TMEM260: variants seen among roughly 807,000 people sequenced by gnomAD.
TMEM260 encodes the protein transmembrane protein 260.
In TMEM260, 82 loss-of-function variants were observed where a neutral mutation model predicts 88.9. That is an observed-to-expected ratio of 0.92 (90% CI 0.77 to 1.11). The LOEUF (loss-of-function observed/expected upper bound fraction) is 1.11, where lower values mean the gene tolerates loss of function less well. Ranked by LOEUF, TMEM260 falls within the 50% of genes least tolerant of loss-of-function variation. The pLI is 0.00. For missense variants in TMEM260, 902 were observed against 853.4 expected (o/e 1.06, Z -0.71); for synonymous variants, 314 against 309.3 (o/e 1.02, Z -0.16).
At position 56,585,817 on chromosome 14, in the gene TMEM260, A is replaced by G. The variant is rs753195195; in HGVS notation, c.249A>G (p.Thr83=). 2 of 1,613,408 alleles carry G rather than the reference A, an allele frequency of 1.2e-6. No homozygotes were observed. The highest frequency in any genetic ancestry group is 4.5e-5 in the East Asian group (2 of 44,856). ...CGCTGGTGGCTAAACTGGCAATTAC[A>G]CTGTTTCCTTTTGGTTCAATTGCCT... The part of the protein sequence containing the change: ...LFTLVAKLAI[T]LFPFGSIAYR... Residue 83 remains threonine (T), a synonymous_variant, in exon 3 of 16, where the codon ACA becomes ACG. Coordinates refer to ENST00000261556, the MANE Select transcript of TMEM260 (RefSeq NM_017799.4).
intron 14 of TMEM260, among the ~76,000 whole-genome samples, chr14:56,635,801 T>TA (rs1203199822): frequency 2.6e-5 from 4 of 151,992 alleles, no homozygotes; most frequent in African/African-American, 9.7e-5. Context: ...AAAGAGGTTT[T>TA]TAAAGAGTGG....
chr14:56,661,733 T>A, the TMEM260 span, among the ~76,000 whole-genome samples: 1 of 152,230 alleles, frequency 6.6e-6, no homozygotes, highest in Non-Finnish European at 1.5e-5. Flanking sequence ...ATAATTGTCC[T>A]TTCTCACAGG....
downstream of TMEM260, among the ~76,000 whole-genome samples, chr14:56,654,496 T>C (rs1890264407): frequency 6.6e-6 from 1 of 152,116 alleles, no homozygotes; most frequent in African/African-American, 2.4e-5. Context: ...TTCATGATTC[T>C]TCTATTTGGT....
At chr14:56,652,308 C>A (rs1431381537), downstream of TMEM260, among the ~76,000 whole-genome samples, 1 of 152,016 alleles carries the variant, frequency 6.6e-6, no homozygotes, top group Non-Finnish European at 1.5e-5. Context: ...CCATCCTGGG[C>A]AACATGGTGA....
chr14:56,630,490 TC>T (rs891941440), intron 12 of TMEM260, among the ~76,000 whole-genome samples: 3 of 152,114 alleles, frequency 2.0e-5, no homozygotes, highest in African/African-American at 4.8e-5. Context: ...TTCTATGTCT[TC>T]AAATTCCCTG....
At chr14:56,647,138 T>C in intron 15 of TMEM260, 105 bp from the exon 16 acceptor site, 1 of 1,301,082 alleles carries the variant, frequency 7.7e-7, no homozygotes, top group East Asian at 2.5e-5. Flanking sequence ...TGGAGGCTGC[T>C]TGAATTTTTT....
At chr14:56,601,065 A>G (rs578141165) in intron 3 of TMEM260, among the ~76,000 whole-genome samples, 1 of 152,306 alleles carries the variant, frequency 6.6e-6, no homozygotes, top group African/African-American at 2.4e-5. Flanking sequence ...TAAAATACTC[A>G]TGTACCTAAC....
At chr14:56,619,072 AAATACCACTT>A (rs1403905806) in intron 10 of TMEM260, among the ~76,000 whole-genome samples, 1 of 152,216 alleles carries the variant, frequency 6.6e-6, no homozygotes, top group African/African-American at 2.4e-5. Flanking sequence ...CCATGACCTA[AAATACCACTT>A]AGATGGAGAG....
At chr14:56,586,484 G>T (rs550442855) in intron 3 of TMEM260, among the ~76,000 whole-genome samples, 40 of 152,168 alleles carry the variant, frequency 2.6e-4, no homozygotes, top group Non-Finnish European at 5.1e-4. Context: ...TTCTTAGGTT[G>T]GAAGTCTACC....
At chr14:56,633,225 C>CA in intron 13 of TMEM260, 54 bp downstream of exon 13, 8 of 1,401,340 alleles carry the variant, frequency 5.7e-6, no homozygotes, top group Non-Finnish European at 6.7e-6. Context: ...TTTGAATACC[C>CA]AAAAAAACTA....
intron 11 of TMEM260, among the ~76,000 whole-genome samples, chr14:56,623,988 A>G (rs1214424757): frequency 6.6e-6 from 1 of 152,254 alleles, no homozygotes; most frequent in African/African-American, 2.4e-5. Flanking sequence ...TATAGAATTA[A>G]GTAAAATGAT....
intron 6 of TMEM260, among the ~76,000 whole-genome samples, chr14:56,610,633 T>G (rs1205881789): frequency 6.6e-6 from 1 of 152,314 alleles, no homozygotes; most frequent in South Asian, 2.1e-4. Context: ...GTTTTTTATA[T>G]GTAGGAGATG....
intron 3 of TMEM260, among the ~76,000 whole-genome samples, chr14:56,597,784 A>G (rs1356252690): frequency 6.6e-6 from 1 of 152,130 alleles, no homozygotes; most frequent in African/African-American, 2.4e-5. Flanking sequence ...AAAAATTATT[A>G]TGAAATGAAA....
Position 56,643,067 on chromosome 14 carries a change from C to T in TMEM260, c.1870-4176C>T, listed in dbSNP as rs185232978. Among the ~76,000 whole-genome samples, 20 of 152,236 alleles carry T rather than the reference C, an allele frequency of 1.3e-4. 1 individual carries two copies. In the East Asian group the frequency reaches 3.3e-3, roughly 25 times the overall value. ...GTCCAGGACCAGATGGATTCATAGC[C>T]GAATTCTACCAGAGGTACAAGGAGG... On this transcript the variant is annotated intron_variant, in intron 15 of 15. Coordinates refer to ENST00000261556, the MANE Select transcript of TMEM260 (RefSeq NM_017799.4).
rs150902278 is a variant in TMEM260 at position 56,606,859 on chromosome 14, C to T, written c.636+1176C>T. 4.3e-3 allele frequency among the ~76,000 whole-genome samples: 649 copies of T among 152,234 alleles called. 1 individual carries two copies. Among genetic ancestry groups the T allele is most frequent in the Non-Finnish European group, 7.2e-3 (491 of 68,012 alleles). ...GCAGTGAGCCGATATCGCGCCACTGCGCTCCAGCCTGGGTGACAGAGAAAG... is the reference window on the plus strand; with the variant it reads ...GCAGTGAGCCGATATCGCGCCACTGTGCTCCAGCCTGGGTGACAGAGAAAG... On this transcript the variant is annotated intron_variant, in intron 5 of 15. Coordinates refer to ENST00000261556, the MANE Select transcript of TMEM260 (RefSeq NM_017799.4).
chr14:56,634,962 C>A lies in TMEM260; in HGVS notation c.1778+10C>A, dbSNP rs778892373. 6.2e-7 allele frequency: 1 copy of A among 1,613,334 alleles called. No homozygotes were observed. The highest frequency in any genetic ancestry group is 8.5e-7 in the Non-Finnish European group (1 of 1,179,504). The stretch of plus-strand genomic sequence containing the variant: ...AAATGTGGCAAGCGAGGTGACTATT[C>A]TACATTTTTGTGTGTGCAGTCTATT... On this transcript the variant is annotated intron_variant, in intron 14 of 15. Transcript: ENST00000261556.
intron 7 of TMEM260, chr14:56,613,359 T>C (rs947459042): frequency 5.9e-5 from 9 of 152,212 alleles, no homozygotes; most frequent in African/African-American, 2.2e-4. Flanking sequence ...CCTTCCTTGC[T>C]TTCTTTTTAA....
At position 56,633,079 on chromosome 14, in the gene TMEM260, T is replaced by G; in HGVS notation, c.1632T>G (p.Cys544Trp). Reference sequence around the variant, plus strand: ...ATTCACTTTGGCCATGGGGGTCTTGTGACAAATTAGTTCCTTTGGAGATTG... The same window carrying G: ...ATTCACTTTGGCCATGGGGGTCTTGGGACAAATTAGTTCCTTTGGAGATTG... ...KNYSLWPWGS[C>W]DKLVPLEIVF... The change falls in exon 13 of 16, where the codon TGT becomes TGG. Residue 544 changes from cysteine to tryptophan, a missense_variant. By Grantham distance (215) the Cys-to-Trp change is radical. Transcript: ENST00000261556. The G allele has an allele frequency of 1.9e-6, 3 of 1,614,022 alleles. No homozygotes were observed. Among genetic ancestry groups the G allele is most frequent in the Non-Finnish European group, 2.5e-6 (3 of 1,179,946 alleles).
chr14:56,594,575 C>A (rs1886090859), intron 3 of TMEM260, among the ~76,000 whole-genome samples: 2 of 152,164 alleles, frequency 1.3e-5, no homozygotes, highest in African/African-American at 4.8e-5. Context: ...AAAAAATCAT[C>A]AGACTTACTC....
Sources: allele counts gnomAD v4.1 joint callset (sites outside exome capture counted in the v4.1 genomes callset), GRCh38; gene constraint gnomAD v4.1.1; transcripts MANE v1.5; gene names NCBI Gene and HGNC (gene_info 2026-07-23, HGNC 2026-07-21).